PPM1D: variants seen among roughly 807,000 people sequenced by gnomAD.
The protein encoded by PPM1D is protein phosphatase 1D.
A neutral mutation model predicts 58.3 loss-of-function variants in PPM1D; 52 were observed. The ratio of observed to expected loss-of-function variants is 0.89; its 90% CI spans 0.71 to 1.12. PPM1D has a LOEUF of 1.12. Among genes scored for constraint, PPM1D ranks in the 50% most tolerant of loss-of-function variants. The probability of loss-of-function intolerance (pLI) is 0.00; values close to 1 mark genes in which losing one functional copy is unlikely to be tolerated. For synonymous variants in PPM1D, 278 were observed against 285.1 expected (o/e 0.98, Z 0.25); for missense variants, 564 against 777.2 (o/e 0.73, Z 3.26).
intron 3 of PPM1D, among the ~76,000 whole-genome samples, chr17:60,645,644 GTGTA>G (rs1567974856): frequency 1.5e-5 from 2 of 133,098 alleles, no homozygotes; most frequent in East Asian, 2.1e-4. Flanking sequence ...ATGTGTGTGT[GTGTA>G]TATATATATA....
chr17:60,622,595 T>G (rs1430056600), intron 1 of PPM1D, among the ~76,000 whole-genome samples: 3 of 152,224 alleles, frequency 2.0e-5, no homozygotes, highest in African/African-American at 7.2e-5. Flanking sequence ...GAAGCAGGTT[T>G]CTTAATTATT....
chr17:60,643,921 C>G (rs1009870364), intron 3 of PPM1D, among the ~76,000 whole-genome samples: 27 of 125,196 alleles, frequency 2.2e-4, no homozygotes, highest in African/African-American at 7.6e-4. Context: ...GAGTCTCACT[C>G]TCGCCCAGGC....
intron 4 of PPM1D, among the ~76,000 whole-genome samples, chr17:60,651,248 G>A (rs1164286831): frequency 6.6e-6 from 1 of 152,126 alleles, no homozygotes; most frequent in Non-Finnish European, 1.5e-5. Context: ...TTTGGAGAGT[G>A]GAACCACATG....
intron 2 of PPM1D, among the ~76,000 whole-genome samples, chr17:60,625,793 G>A (rs1040647014): frequency 2.0e-5 from 3 of 152,056 alleles, no homozygotes; most frequent in African/African-American, 7.2e-5. Context: ...GGAATAAGAT[G>A]GAAATATTCT....
At chr17:60,639,753 A>G (rs2143686805) in intron 3 of PPM1D, among the ~76,000 whole-genome samples, 1 of 152,280 alleles carries the variant, frequency 6.6e-6, no homozygotes, top group South Asian at 2.1e-4. Context: ...TTAACTTCTT[A>G]TATGTACTAA....
chr17:60,619,815 G>T (rs983837549), intron 1 of PPM1D, among the ~76,000 whole-genome samples: 2 of 152,070 alleles, frequency 1.3e-5, no homozygotes, highest in African/African-American at 4.8e-5. Flanking sequence ...GTCTATGCTG[G>T]TGATAAATTC....
chr17:60,653,350 G>T (rs2031379632), intron 4 of PPM1D, among the ~76,000 whole-genome samples: 1 of 152,114 alleles, frequency 6.6e-6, no homozygotes, highest in Admixed American at 6.6e-5. Context: ...GCTGCAAATT[G>T]CGTGGATTTA....
intron 5 of PPM1D, among the ~76,000 whole-genome samples, chr17:60,659,441 T>TAAA (rs1168907584): frequency 2.0e-5 from 3 of 152,218 alleles, no homozygotes; most frequent in Non-Finnish European, 2.9e-5. Context: ...AGCCTTTGTT[T>TAAA]AAGTAAGATA....
At chr17:60,623,396 C>T in intron 1 of PPM1D, 125 bp from the exon 2 acceptor site, 1 of 883,640 alleles carries the variant, frequency 1.1e-6, no homozygotes, top group Non-Finnish European at 1.7e-6. Flanking sequence ...GAATATTTTT[C>T]TTAAATTGTT....
At chr17:60,603,925 A>G (rs2030276128) in intron 1 of PPM1D, among the ~76,000 whole-genome samples, 2 of 152,254 alleles carry the variant, frequency 1.3e-5, no homozygotes, top group Admixed American at 1.3e-4. Flanking sequence ...GATATTCTGC[A>G]CTAAAATGGT....
intron 1 of PPM1D, among the ~76,000 whole-genome samples, chr17:60,618,358 A>T (rs1013001405): frequency 2.6e-5 from 4 of 152,210 alleles, no homozygotes. Flanking sequence ...TACCTTTAAT[A>T]AGTAATGCCT....
At chr17:60,646,222 A>G (rs181410728) in intron 3 of PPM1D, among the ~76,000 whole-genome samples, 4 of 152,270 alleles carry the variant, frequency 2.6e-5, no homozygotes, top group African/African-American at 7.2e-5. Context: ...GCTTGCATGT[A>G]TTCTGTTTTG....
At chr17:60,634,548 A>AT (rs1485017019) in intron 3 of PPM1D, among the ~76,000 whole-genome samples, 2 of 152,186 alleles carry the variant, frequency 1.3e-5, no homozygotes, top group African/African-American at 2.4e-5. Flanking sequence ...CCTTGAAACT[A>AT]TTTTTAAGTA....
chr17:60,620,716 G>A (rs572155293), intron 1 of PPM1D, among the ~76,000 whole-genome samples: 37 of 151,968 alleles, frequency 2.4e-4, no homozygotes, highest in Non-Finnish European at 5.0e-4. Flanking sequence ...CACCATGTTG[G>A]TCAGGCTGGT....
At chr17:60,624,653 G>A (rs1453250874) in intron 2 of PPM1D, among the ~76,000 whole-genome samples, 1 of 152,084 alleles carries the variant, frequency 6.6e-6, no homozygotes, top group Non-Finnish European at 1.5e-5. Context: ...GAGTGTGGTG[G>A]CACATGCCTG....
At chr17:60,658,623 G>A (rs945861777) in intron 5 of PPM1D, among the ~76,000 whole-genome samples, 7 of 148,988 alleles carry the variant, frequency 4.7e-5, no homozygotes, top group Non-Finnish European at 8.9e-5. Flanking sequence ...GCTCCAGCCT[G>A]GGCAACAACA....
In PPM1D at chr17:60,663,474, G is replaced by T; in HGVS notation, c.1740G>T (p.Met580Ile). The T allele has an allele frequency of 1.9e-6, 3 of 1,614,042 alleles. No individual in the cohort carries two copies. In the South Asian group the frequency reaches 3.3e-5, roughly 18 times the overall value. Residue 580 changes from methionine to isoleucine, a missense_variant, in exon 6 of 6, where the codon ATG (methionine) becomes ATT (isoleucine). Around this residue, in one of 7 missense-constraint regions of PPM1D, gnomAD observed 261 missense variants for 270.1 expected, o/e 0.97. Coordinates refer to ENST00000305921, the MANE Select transcript of PPM1D (RefSeq NM_003620.4). Reference protein sequence around the residue: ...SQRKNSVKLTMRRRLRGQKKI... With the variant: ...SQRKNSVKLTIRRRLRGQKKI... ...GAAAGAACTCTGTTAAACTCACCATGCGACGCAGACTTAGGGGCCAGAAGA... is the reference window on the plus strand; with the variant it reads ...GAAAGAACTCTGTTAAACTCACCATTCGACGCAGACTTAGGGGCCAGAAGA...
intron 2 of PPM1D, among the ~76,000 whole-genome samples, chr17:60,631,844 T>C (rs974615039): frequency 3.3e-5 from 5 of 152,156 alleles, no homozygotes; most frequent in South Asian, 2.1e-4. Flanking sequence ...TGAGAGACCA[T>C]CTCTAATGTT....
chr17:60,608,513 C>T (rs911939740), intron 1 of PPM1D, among the ~76,000 whole-genome samples: 9 of 151,964 alleles, frequency 5.9e-5, no homozygotes, highest in Non-Finnish European at 8.8e-5. Context: ...TGGTGGCATG[C>T]GCTGGTAGTC....
Sources: allele counts gnomAD v4.1 joint callset (sites outside exome capture counted in the v4.1 genomes callset), GRCh38; gene constraint gnomAD v4.1.1; regional missense constraint gnomAD v4.1.1; transcripts MANE v1.5; gene names NCBI Gene and HGNC (gene_info 2026-07-23, HGNC 2026-07-21).